The following NRXN3 variants were observed in gnomAD, a reference collection of about 807,000 sequenced individuals.
NRXN3 encodes neurexin 3, also known as neurexin III.
NRXN3 carries 32 observed loss-of-function variants against 137.6 expected under a neutral mutation model. The observed-to-expected ratio is 0.23, with a 90% CI of 0.18 to 0.31. The LOEUF (loss-of-function observed/expected upper bound fraction) is 0.31. NRXN3 is among the 10% of genes least tolerant of loss of function. The pLI, the probability that NRXN3 is intolerant of heterozygous loss-of-function variation, is 1.00. For synonymous variants in NRXN3, 798 were observed against 784.5 expected (o/e 1.02, Z -0.29); for missense variants, 1,574 against 2,062.5 (o/e 0.76, Z 4.59).
intron 4 of NRXN3, among the ~76,000 whole-genome samples, chr14:78,401,809 A>G (rs2092093714): frequency 6.6e-6 from 1 of 152,214 alleles, no homozygotes; most frequent in South Asian, 2.1e-4. Context: ...CTAACCAGCT[A>G]AACTATTCAT....
intron 10 of NRXN3, among the ~76,000 whole-genome samples, chr14:78,833,222 T>A (rs2098987277): frequency 6.6e-6 from 1 of 152,196 alleles, no homozygotes; most frequent in South Asian, 2.1e-4. Flanking sequence ...TGTTCAGTGA[T>A]CCTGACTGTG....
intron 15 of NRXN3, among the ~76,000 whole-genome samples, chr14:79,376,249 T>TAC (rs1421555870): frequency 1.4e-4 from 10 of 73,740 alleles, no homozygotes; most frequent in Admixed American, 9.3e-4. Flanking sequence ...TATATATATA[T>TAC]ATATATATAT....
chr14:78,932,547 C>G (rs146578731), intron 10 of NRXN3, among the ~76,000 whole-genome samples: 56 of 152,166 alleles, frequency 3.7e-4, no homozygotes, highest in African/African-American at 1.3e-3. Flanking sequence ...TGATACAACT[C>G]CTGCAAAAAG....
chr14:78,738,330 C>G (rs184943329), intron 8 of NRXN3, among the ~76,000 whole-genome samples: 1 of 152,320 alleles, frequency 6.6e-6, no homozygotes, highest in East Asian at 1.9e-4. Context: ...CTGATGAACT[C>G]AAACCTGGTC....
At chr14:78,740,287 A>G (rs2098558655) in intron 8 of NRXN3, among the ~76,000 whole-genome samples, 1 of 152,102 alleles carries the variant, frequency 6.6e-6, no homozygotes, top group South Asian at 2.1e-4. Context: ...ATTTGCCTGA[A>G]TGATTATCGC....
chr14:79,777,131 A>T (rs890911885), intron 19 of NRXN3, among the ~76,000 whole-genome samples: 1 of 152,162 alleles, frequency 6.6e-6, no homozygotes, highest in Non-Finnish European at 1.5e-5. Context: ...AAATAATAGT[A>T]TGGCTGGTTC....
At chr14:79,003,710 C>T (rs1051307588) in intron 15 of NRXN3, among the ~76,000 whole-genome samples, 12 of 152,200 alleles carry the variant, frequency 7.9e-5, no homozygotes, top group South Asian at 2.1e-4. Flanking sequence ...GATCACTCTC[C>T]GGTGGAGTTT....
intron 8 of NRXN3, among the ~76,000 whole-genome samples, chr14:78,733,214 A>G (rs1253180701): frequency 6.6e-6 from 1 of 151,998 alleles, no homozygotes; most frequent in African/African-American, 2.4e-5. Flanking sequence ...CTGCTGCACT[A>G]TTTTCTGCCT....
intron 4 of NRXN3, among the ~76,000 whole-genome samples, chr14:78,631,970 C>T (rs1164593242): frequency 6.6e-6 from 1 of 151,850 alleles, no homozygotes; most frequent in Non-Finnish European, 1.5e-5. Flanking sequence ...AAAAATTAGC[C>T]GGGCGTGGTG....
chr14:78,428,771 C>A (rs1264468857), intron 4 of NRXN3, among the ~76,000 whole-genome samples: 1 of 152,142 alleles, frequency 6.6e-6, no homozygotes, highest in Non-Finnish European at 1.5e-5. Flanking sequence ...CAGATTCTGT[C>A]TTACTGCGGG....
At chr14:78,973,743 A>G (rs2153022023) in intron 14 of NRXN3, among the ~76,000 whole-genome samples, 1 of 152,292 alleles carries the variant, frequency 6.6e-6, no homozygotes, top group East Asian at 1.9e-4. Flanking sequence ...CAGAATAACA[A>G]GGGAGGAACA....
chr14:78,591,349 C>T (rs552781361), intron 4 of NRXN3, among the ~76,000 whole-genome samples: 72 of 152,262 alleles, frequency 4.7e-4, no homozygotes, highest in African/African-American at 1.7e-3. Context: ...TGGAGTGGAA[C>T]CCAAGACTGT....
At chr14:78,892,439 G>T (rs567779312) in intron 10 of NRXN3, among the ~76,000 whole-genome samples, 84 of 151,998 alleles carry the variant, frequency 5.5e-4, no homozygotes, top group Non-Finnish European at 1.1e-3. Flanking sequence ...TTAAAATCAG[G>T]CAGTGGAAAT....
At chr14:79,814,413 G>T (rs1229046501) in intron 20 of NRXN3, among the ~76,000 whole-genome samples, 3 of 152,024 alleles carry the variant, frequency 2.0e-5, no homozygotes, top group Non-Finnish European at 4.4e-5. Context: ...TTACCCCTAG[G>T]GAACTTCACA....
chr14:79,672,023 T>C (rs1352160592), intron 17 of NRXN3, among the ~76,000 whole-genome samples: 1 of 152,102 alleles, frequency 6.6e-6, no homozygotes, highest in Non-Finnish European at 1.5e-5. Context: ...TTTATAATTA[T>C]AAGGATTTAC....
At chr14:79,280,116 TTAAG>T (rs2081023314) in intron 15 of NRXN3, 4 of 1,428,894 alleles carry the variant, frequency 2.8e-6, no homozygotes, top group South Asian at 3.2e-5. Flanking sequence ...TTTTCTTTCT[TTAAG>T]TAGTAATTTT....
chr14:79,557,957 C>T (rs190727028), intron 16 of NRXN3, among the ~76,000 whole-genome samples: 7 of 152,298 alleles, frequency 4.6e-5, no homozygotes, highest in Admixed American at 3.9e-4. Flanking sequence ...AAATATTCTA[C>T]ATCCTTTGTT....
At chr14:79,375,193 C>A (rs1041666129) in intron 15 of NRXN3, among the ~76,000 whole-genome samples, 3 of 149,470 alleles carry the variant, frequency 2.0e-5, no homozygotes, top group African/African-American at 2.4e-5. Context: ...GTTATATAGT[C>A]ATTTAATGTT....
At chr14:79,790,836 G>T (rs1489971143) in intron 19 of NRXN3, among the ~76,000 whole-genome samples, 1 of 151,920 alleles carries the variant, frequency 6.6e-6, no homozygotes, top group Non-Finnish European at 1.5e-5. Context: ...GGCCAGGTGG[G>T]TCTTGAACTC....
Sources: allele counts gnomAD v4.1 joint callset (sites outside exome capture counted in the v4.1 genomes callset), GRCh38; gene constraint gnomAD v4.1.1; transcripts MANE v1.5; gene names NCBI Gene and HGNC (gene_info 2026-07-23, HGNC 2026-07-21).